DRC11L: variants seen among roughly 807,000 people sequenced by gnomAD.
The protein encoded by DRC11L is dynein regulatory complex subunit like-11.
At chr7:151,197,148 T>A in the DRC11L span, 1 of 399,348 alleles carries the variant, frequency 2.5e-6, no homozygotes, top group African/African-American at 2.1e-5. Flanking sequence ...CTACCACGAG[T>A]TCCCCCACAC....
At chr7:151,193,738 G>C in the DRC11L span, among the ~76,000 whole-genome samples, 1 of 152,164 alleles carries the variant, frequency 6.6e-6, no homozygotes, top group African/African-American at 2.4e-5. Flanking sequence ...GGTCTGGGAG[G>C]AGCCTGCTAC....
chr7:151,191,471 C>CATTTCCTGGTG, the DRC11L span, among the ~76,000 whole-genome samples: 1 of 152,222 alleles, frequency 6.6e-6, no homozygotes, highest in African/African-American at 2.4e-5. Flanking sequence ...GAAGCCTTGG[C>CATTTCCTGGTG]ATTTCCTGGT....
the DRC11L span, chr7:151,197,896 C>T: frequency 2.5e-6 from 1 of 399,166 alleles, no homozygotes. Context: ...GGGAACCGGC[C>T]AGTAAGGTCA....
chr7:151,203,412 G>T, the DRC11L span: 6 of 399,196 alleles, frequency 1.5e-5, no homozygotes, highest in Non-Finnish European at 2.7e-5. Flanking sequence ...GAGGACACTG[G>T]CTCCAGTCTG....
the DRC11L span, chr7:151,202,848 C>A: frequency 2.3e-5 from 9 of 399,242 alleles, no homozygotes; most frequent in Non-Finnish European, 3.1e-5. Flanking sequence ...AATTACTGAG[C>A]CCAGCAGGCT....
At chr7:151,195,660 T>C in the DRC11L span, 1 of 399,520 alleles carries the variant, frequency 2.5e-6, no homozygotes, top group East Asian at 3.6e-5. Context: ...CTCATCCACC[T>C]AGGGGAGACA....
At chr7:151,203,213 C>G in the DRC11L span, 1 of 398,278 alleles carries the variant, frequency 2.5e-6, no homozygotes, top group South Asian at 1.4e-4. Context: ...CCCAGAGTAT[C>G]TGGGAGGCCA....
the DRC11L span, among the ~76,000 whole-genome samples, chr7:151,204,231 C>G: frequency 6.6e-6 from 1 of 152,202 alleles, no homozygotes; most frequent in Non-Finnish European, 1.5e-5. Flanking sequence ...CCTCCATGCA[C>G]ACCCCCCACC....
At chr7:151,198,160 G>A in the DRC11L span, among the ~76,000 whole-genome samples, 1 of 151,544 alleles carries the variant, frequency 6.6e-6, no homozygotes, top group East Asian at 1.9e-4. Context: ...GTAGAAGGGT[G>A]GGTAGATGTG....
the DRC11L span, chr7:151,197,913 G>T: frequency 2.5e-6 from 1 of 399,008 alleles, no homozygotes; most frequent in South Asian, 1.3e-4. Context: ...GTCACTAAGT[G>T]AACAAAAGAT....
the DRC11L span, chr7:151,191,058 C>T: frequency 2.5e-6 from 1 of 399,606 alleles, no homozygotes; most frequent in Non-Finnish European, 4.4e-6. Flanking sequence ...TCATGCTCTT[C>T]TTGCCCAGTG....
At chr7:151,201,870 C>T in the DRC11L span, among the ~76,000 whole-genome samples, 2 of 152,162 alleles carry the variant, frequency 1.3e-5, no homozygotes, top group Admixed American at 6.5e-5. The surrounding 1 kb of genome is among the most constrained non-coding windows in gnomAD (Gnocchi z 4.1). Context: ...GGAATTTTCC[C>T]GGGGCTCCTC....
the DRC11L span, chr7:151,195,467 T>C: frequency 2.5e-6 from 1 of 399,362 alleles, no homozygotes; most frequent in Non-Finnish European, 4.4e-6. Flanking sequence ...TTTTTCCCAG[T>C]TTTCTTCCCA....
chr7:151,196,166 C>T, the DRC11L span, among the ~76,000 whole-genome samples: 3 of 152,184 alleles, frequency 2.0e-5, no homozygotes, highest in Non-Finnish European at 2.9e-5. Context: ...CTCCGAGCCC[C>T]TCCCATACCC....
the DRC11L span, among the ~76,000 whole-genome samples, chr7:151,198,332 A>C: frequency 6.6e-6 from 1 of 151,686 alleles, no homozygotes; most frequent in Admixed American, 6.6e-5. Context: ...GTGGATGGGC[A>C]GATGGACAGA....
At chr7:151,195,180 T>A in the DRC11L span, among the ~76,000 whole-genome samples, 1 of 152,162 alleles carries the variant, frequency 6.6e-6, no homozygotes, top group South Asian at 2.1e-4. Flanking sequence ...GACCTGATTA[T>A]AAACTCCATT....
chr7:151,203,669 C>T, the DRC11L span, among the ~76,000 whole-genome samples: 1 of 152,232 alleles, frequency 6.6e-6, no homozygotes, highest in South Asian at 2.1e-4. Context: ...GCAGATACCC[C>T]CAAGAGCCAC....
chr7:151,205,068 G>A, the DRC11L span, among the ~76,000 whole-genome samples: 1 of 152,218 alleles, frequency 6.6e-6, no homozygotes, highest in African/African-American at 2.4e-5. Context: ...CAGAGAGAAT[G>A]GGCATGACCT....
At chr7:151,190,936 C>T in the DRC11L span, 1 of 399,688 alleles carries the variant, frequency 2.5e-6, no homozygotes, top group Non-Finnish European at 4.4e-6. Flanking sequence ...GGGCCACTGC[C>T]CTGTCCCACG....
Sources: allele counts gnomAD v4.1 joint callset (sites outside exome capture counted in the v4.1 genomes callset), GRCh38; gene constraint gnomAD v4.1.1; non-coding constraint Gnocchi (gnomAD v3.1); transcripts MANE v1.5; gene names NCBI Gene and HGNC (gene_info 2026-07-23, HGNC 2026-07-21).